The following NCR3LG1 variants were observed in gnomAD, a reference collection of about 807,000 sequenced individuals.
The protein encoded by NCR3LG1 is natural killer cell cytotoxicity receptor 3 ligand 1.
In NCR3LG1, 35 loss-of-function variants were observed where a neutral mutation model predicts 34.8. The ratio of observed to expected loss-of-function variants is 1.01; its 90% CI spans 0.77 to 1.33. The LOEUF (loss-of-function observed/expected upper bound fraction) is 1.33. Among genes scored for constraint, NCR3LG1 ranks in the 40% most tolerant of loss-of-function variants. NCR3LG1 has a pLI of 0.00. For synonymous variants in NCR3LG1, 173 were observed against 163.6 expected (o/e 1.06, Z -0.44); for missense variants, 452 against 423.3 (o/e 1.07, Z -0.60).
chr11:17,354,929 C>T (rs1432646384), intron 1 of NCR3LG1, among the ~76,000 whole-genome samples: 2 of 152,092 alleles, frequency 1.3e-5, no homozygotes, highest in Non-Finnish European at 2.9e-5. Context: ...AAGGGGAATT[C>T]GGTTTCTGAC....
chr11:17,373,733 G>A lies in NCR3LG1; in HGVS notation c.*1221G>A, dbSNP rs377336952. The A allele has an allele frequency of 7.5e-5, 11 of 146,818 alleles. No homozygotes were observed. The highest frequency in any genetic ancestry group is 2.5e-4 in the African/African-American group (10 of 40,148). The allele number at this position is 146,818 out of a possible 1,614,324, so 9.1% of individuals were successfully genotyped here. A position where few individuals can be genotyped will look rare whatever the true frequency, so the allele number is the denominator to read the frequency against. ...TATTTTTCTCAACCTATTAGTTGCA[G>A]TCAGAGGGACCTACTGTTTACACAG... On this transcript the variant is annotated 3_prime_UTR_variant, in exon 5 of 5. Coordinates refer to ENST00000338965, the MANE Select transcript of NCR3LG1 (RefSeq NM_001202439.3).
intron 2 of NCR3LG1, among the ~76,000 whole-genome samples, chr11:17,366,061 G>A (rs1029141349): frequency 6.6e-6 from 1 of 152,144 alleles, no homozygotes; most frequent in Non-Finnish European, 1.5e-5. Context: ...TTATAGGGTG[G>A]GAGTGATGAC....
intron 1 of NCR3LG1, among the ~76,000 whole-genome samples, chr11:17,353,068 C>A (rs983855074): frequency 7.2e-5 from 11 of 152,144 alleles, no homozygotes. Flanking sequence ...GTGGACCTCA[C>A]CGTGGAGACC....
Position 17,372,453 on chromosome 11 carries a change from ACAT to A in NCR3LG1, c.1309_1311del (p.Ser437del). Reference sequence around the variant, plus strand: ...TATCTGGGAACCTCCTCCAGCCACAACATCAACAACTCCAGTTCTATCCTCCCA... The same window carrying A: ...TATCTGGGAACCTCCTCCAGCCACAACAACAACTCCAGTTCTATCCTCCCA... On this transcript the variant is annotated inframe_deletion, in exon 5 of 5. Coordinates refer to ENST00000338965, the MANE Select transcript of NCR3LG1 (RefSeq NM_001202439.3). 1.4e-6 allele frequency: 1 copy of A among 703,324 alleles called. No individual in the cohort carries two copies. Among genetic ancestry groups the A allele is most frequent in the Non-Finnish European group, 2.6e-6 (1 of 385,060 alleles). The allele number at this position is 703,324 out of a possible 1,614,324, so 43.6% of individuals were successfully genotyped here. A position where few individuals can be genotyped will look rare whatever the true frequency, so the allele number is the denominator to read the frequency against.
At chr11:17,364,096 A>T (rs993743377) in intron 2 of NCR3LG1, among the ~76,000 whole-genome samples, 1 of 151,888 alleles carries the variant, frequency 6.6e-6, no homozygotes, top group South Asian at 2.1e-4. Flanking sequence ...TATTCCCATT[A>T]TATATCTGTT....
chr11:17,371,177 A>G (rs949541716), intron 4 of NCR3LG1, among the ~76,000 whole-genome samples: 4 of 152,146 alleles, frequency 2.6e-5, no homozygotes, highest in Non-Finnish European at 5.9e-5. Context: ...TCTACTGGAC[A>G]GCATATTATG....
At chr11:17,379,754 A>T (rs1393198812), downstream of NCR3LG1, among the ~76,000 whole-genome samples, 1 of 152,200 alleles carries the variant, frequency 6.6e-6, no homozygotes, top group Non-Finnish European at 1.5e-5. Flanking sequence ...TTTAAATATT[A>T]CATTAATATT....
chr11:17,371,716 C>T (rs1953407612), intron 4 of NCR3LG1, among the ~76,000 whole-genome samples: 1 of 152,218 alleles, frequency 6.6e-6, no homozygotes, highest in East Asian at 1.9e-4. Flanking sequence ...TGCACAATCT[C>T]TCCCATGGTT....
intron 1 of NCR3LG1, among the ~76,000 whole-genome samples, chr11:17,354,858 T>G (rs1953187472): frequency 6.6e-6 from 1 of 152,172 alleles, no homozygotes; most frequent in Non-Finnish European, 1.5e-5. Flanking sequence ...TAACATTAAT[T>G]TTGAAAACTT....
chr11:17,362,687 CCTTCCTTTCTTTCTTTCTTT>C (rs1193446521), intron 2 of NCR3LG1, among the ~76,000 whole-genome samples: 30 of 15,988 alleles, frequency 1.9e-3, no homozygotes, highest in Non-Finnish European at 2.5e-3. Flanking sequence ...TTCCTTCCTT[CCTTCCTTTCTTTCTTTCTTT>C]CTTTCTTTCT....
rs1450622381 is a variant in NCR3LG1, at chr11:17,376,594, G to T, written c.*4082G>T. The stretch of plus-strand genomic sequence containing the variant: ...CTTTACCTTTAGCCATTAAAGACTT[G>T]TCAGGCATAAATGGAACATGGTATG... On this transcript the variant is annotated 3_prime_UTR_variant, in exon 5 of 5. Transcript: ENST00000338965. 1.3e-5 allele frequency: 2 copies of T among 152,142 alleles called. No individual in the cohort carries two copies. Among genetic ancestry groups the T allele is most frequent in the Admixed American group, 1.3e-4 (2 of 15,278 alleles). 9.4% of individuals were successfully genotyped at this position (152,142 alleles called of 1,614,324 possible). A position where few individuals can be genotyped will look rare whatever the true frequency, so the allele number is the denominator to read the frequency against.
At chr11:17,371,004 G>A (rs1466131374) in intron 4 of NCR3LG1, among the ~76,000 whole-genome samples, 1 of 152,120 alleles carries the variant, frequency 6.6e-6, no homozygotes, top group Non-Finnish European at 1.5e-5. Flanking sequence ...TTCACTTAGG[G>A]CCTTTTTGTC....
In NCR3LG1 at chr11:17,367,014, C is replaced by A; in HGVS notation, c.427C>A (p.Pro143Thr). ...TGATTTTTTTTCCCTGACAGCTTCC[C>A]CAGCCAGCAGATTGTTGCTGGATCA... ...GTVQLEVVASPASRLLLDQVG... is the reference protein window; with the variant it reads ...GTVQLEVVASTASRLLLDQVG... Residue 143 changes from proline (P) to threonine (T), a missense_variant, in exon 3 of 5, where the codon CCA becomes ACA. Transcript: ENST00000338965. 6.5e-7 allele frequency: 1 copy of A among 1,530,708 alleles called. No homozygotes were observed. Among genetic ancestry groups the A allele is most frequent in the South Asian group, 1.2e-5 (1 of 83,800 alleles). 94.8% of individuals were successfully genotyped at this position (1,530,708 alleles called of 1,614,324 possible). A position where few individuals can be genotyped will look rare whatever the true frequency, so the allele number is the denominator to read the frequency against.
chr11:17,371,629 C>T (rs1320078598), intron 4 of NCR3LG1, among the ~76,000 whole-genome samples: 1 of 152,160 alleles, frequency 6.6e-6, no homozygotes, highest in African/African-American at 2.4e-5. Context: ...ATAACTTTGC[C>T]AGGGTGGTAG....
At chr11:17,363,213 C>A (rs1953302376) in intron 2 of NCR3LG1, among the ~76,000 whole-genome samples, 1 of 151,498 alleles carries the variant, frequency 6.6e-6, no homozygotes, top group African/African-American at 2.4e-5. Flanking sequence ...CATGAGCCAC[C>A]ATGCCTGGCC....
chr11:17,371,422 C>G (rs1206566737), intron 4 of NCR3LG1, among the ~76,000 whole-genome samples: 2 of 152,150 alleles, frequency 1.3e-5, no homozygotes, highest in Non-Finnish European at 2.9e-5. Flanking sequence ...AGCATAAAAA[C>G]TCCTCTTTCA....
rs1253196957 is a variant in NCR3LG1, at chr11:17,372,446, A to C, written c.1299A>C (p.Pro433=). 5.7e-6 allele frequency: 4 copies of C among 703,426 alleles called. No homozygotes were observed. The highest frequency in any genetic ancestry group is 1.0e-5 in the Non-Finnish European group (4 of 385,080). 43.6% of individuals were successfully genotyped at this position (703,426 alleles called of 1,614,324 possible). The change falls in exon 5 of 5, where the codon CCA becomes CCC. Residue 433 remains proline, a synonymous_variant. Transcript: ENST00000338965. ...LPVSPIWEPP[P]ATTSTTPVLS... Reference sequence around the variant, plus strand: ...TCTCCCCTATCTGGGAACCTCCTCCAGCCACAACATCAACAACTCCAGTTC... The same window carrying C: ...TCTCCCCTATCTGGGAACCTCCTCCCGCCACAACATCAACAACTCCAGTTC...
chr11:17,362,683 CCTTCCTTCCTTTCTTTCTTTCTTTCTTT>C (rs1331884519), intron 2 of NCR3LG1, among the ~76,000 whole-genome samples: 543 of 20,952 alleles, frequency 0.026, 57 homozygotes, highest in Middle Eastern at 0.15. Flanking sequence ...CTCCTTCCTT[CCTTCCTTCCTTTCTTTCTTTCTTTCTTT>C]CTTTCTTTCT....
intron 2 of NCR3LG1, among the ~76,000 whole-genome samples, chr11:17,361,289 AT>A (rs60695188): frequency 0.42 from 59,130 of 140,406 alleles, 12,281 homozygotes; most frequent in African/African-American, 0.57. Context: ...AAAAATTGAC[AT>A]TTTTTTTTTT....
Sources: allele counts gnomAD v4.1 joint callset (sites outside exome capture counted in the v4.1 genomes callset), GRCh38; gene constraint gnomAD v4.1.1; transcripts MANE v1.5; gene names NCBI Gene and HGNC (gene_info 2026-07-23, HGNC 2026-07-21).